C12orf76: variants seen among roughly 807,000 people sequenced by gnomAD.
C12orf76 encodes uncharacterized protein C12orf76.
C12orf76 carries 6 observed loss-of-function variants against 6.8 expected under a neutral mutation model. That is an observed-to-expected ratio of 0.88 (90% CI 0.48 to 1.73). The LOEUF is 1.73. C12orf76 is among the 40% of genes most tolerant of loss of function. C12orf76 has a pLI of 0.01. For missense variants in C12orf76, 99 were observed against 98.2 expected (o/e 1.01, Z -0.03); for synonymous variants, 56 against 43.7 (o/e 1.28, Z -1.11).
intron 1 of C12orf76, chr12:110,044,155 T>C (rs1449989425): frequency 1.3e-5 from 2 of 152,176 alleles, no homozygotes; most frequent in Non-Finnish European, 2.9e-5. Context: ...AACAAGCAAA[T>C]GTACACTGAT....
rs757938970 is a variant in C12orf76, at chr12:110,065,924, T to C, written n.316A>G. 1.9e-6 allele frequency: 3 copies of C among 1,614,056 alleles called. No individual in the cohort carries two copies. In the East Asian group the frequency reaches 6.7e-5, roughly 36 times the overall value. On this transcript the variant is annotated non_coding_transcript_exon_variant, in exon 2 of 5. Coordinates refer to the C12orf76 transcript ENST00000309050. ...TGCTTCCAGATCTTTGCATTTACTG[T>C]TCTCTTGGTCCCGTGTATCACGTGG...
At chr12:110,068,813 C>G (rs1461065312), upstream of C12orf76, among the ~76,000 whole-genome samples, 1 of 152,202 alleles carries the variant, frequency 6.6e-6, no homozygotes, top group East Asian at 1.9e-4. Flanking sequence ...GAACATTGCT[C>G]TAGCCTGTCT....
chr12:110,069,992 T>A (rs539017232), upstream of C12orf76, among the ~76,000 whole-genome samples: 749 of 152,280 alleles, frequency 4.9e-3, 9 homozygotes, highest in African/African-American at 0.017. Flanking sequence ...GCTCACACTG[T>A]AATCCCAGCA....
rs529296708 is a variant in C12orf76 at position 110,046,873 on chromosome 12, G to T, written c.133+1490C>A. ...CTACTGGTATCTAAAGGCTGGGGAT[G>T]CCACCAAACTTCTTACAGTGTTTAT... On this transcript the variant is annotated intron_variant, in intron 1 of 1. Transcript: ENST00000615315. Among the ~76,000 whole-genome samples the T allele has an allele frequency of 2.6e-5, 4 of 152,220 alleles. No individual in the cohort carries two copies. In the East Asian group the frequency reaches 5.8e-4, roughly 22 times the overall value.
intron 4 of C12orf76, among the ~76,000 whole-genome samples, chr12:110,055,619 G>C (rs141197364): frequency 3.3e-5 from 5 of 152,172 alleles, no homozygotes; most frequent in Admixed American, 2.0e-4. Flanking sequence ...AGAGTAATTC[G>C]TGCAGAGCCA....
rs1394945921 is a variant in C12orf76 at position 110,054,542 on chromosome 12, A to T, written n.664+2647T>A. Among the ~76,000 whole-genome samples, 1 of 152,090 alleles carries T rather than the reference A, an allele frequency of 6.6e-6. No homozygotes were observed. The highest frequency in any genetic ancestry group is 1.5e-5 in the Non-Finnish European group (1 of 68,024). ...GAGAGTAGATTGGTAGTTGCAGGGG[A>T]CAGAGGGAGGGAGAAATGGCGAGTG... On this transcript the variant is annotated intron_variant and non_coding_transcript_variant, in intron 4 of 4. Transcript: ENST00000309050. This position sits in a 1 kb window ranked among gnomAD's most constrained non-coding sequence, Gnocchi z 4.4.
At chr12:110,050,897 G>A (rs1356960311), upstream of C12orf76, 10 of 635,686 alleles carry the variant, frequency 1.6e-5, no homozygotes, top group South Asian at 1.1e-4. Flanking sequence ...TTCCTGTAAC[G>A]TATTTCTGGC....
intron 1 of C12orf76, among the ~76,000 whole-genome samples, chr12:110,045,350 G>A (rs1341958849): frequency 4.0e-5 from 6 of 150,734 alleles, no homozygotes; most frequent in Admixed American, 1.3e-4. Flanking sequence ...CCCAGTGAGA[G>A]GCCAAGGCGG....
At chr12:110,055,300 A>G (rs562641428) in intron 4 of C12orf76, among the ~76,000 whole-genome samples, 1 of 146,504 alleles carries the variant, frequency 6.8e-6, no homozygotes, top group East Asian at 2.0e-4. Flanking sequence ...TGCAGCCTCC[A>G]TCTCCTGGGT....
At chr12:110,070,507 A>G (rs1892949452), upstream of C12orf76, among the ~76,000 whole-genome samples, 1 of 152,166 alleles carries the variant, frequency 6.6e-6, no homozygotes, top group Admixed American at 6.5e-5. Flanking sequence ...TTGAGGCTGC[A>G]GTGAGCTGTG....
At chr12:110,068,128 C>T (rs149666077), upstream of C12orf76, among the ~76,000 whole-genome samples, 7,055 of 151,568 alleles carry the variant, frequency 0.047, 199 homozygotes, top group Middle Eastern at 0.088. Context: ...CGTTTGAACC[C>T]GGGAGGCAGA....
At chr12:110,061,383 G>A (rs976806764) in intron 2 of C12orf76, among the ~76,000 whole-genome samples, 22 of 151,928 alleles carry the variant, frequency 1.4e-4, no homozygotes, top group African/African-American at 4.3e-4. Flanking sequence ...AATATTGCTC[G>A]AAGTCATCTA....
chr12:110,068,454 C>T (rs1423083290), upstream of C12orf76, among the ~76,000 whole-genome samples: 1 of 152,176 alleles, frequency 6.6e-6, no homozygotes, highest in Admixed American at 6.5e-5. Context: ...TGCCCAGTTA[C>T]ATGATTCAAT....
At chr12:110,068,284 A>AAGAAGAAGAAGG (rs1892909733), upstream of C12orf76, among the ~76,000 whole-genome samples, 1 of 142,908 alleles carries the variant, frequency 7.0e-6, no homozygotes. Context: ...GAAGAAGAAG[A>AAGAAGAAGAAGG]AGAAGAAGAA....
chr12:110,072,103 T>G (rs1440423298), upstream of C12orf76, among the ~76,000 whole-genome samples: 2 of 152,162 alleles, frequency 1.3e-5, no homozygotes, highest in Non-Finnish European at 2.9e-5. Context: ...GTTCCATCCA[T>G]GCAATGGAAT....
rs7137233 is a variant in C12orf76, at chr12:110,048,467, T to G, written c.29A>C (p.Tyr10Ser). The change falls in exon 1 of 2, where the codon TAC becomes TCC. Residue 10 changes from tyrosine to serine, a missense_variant. Coordinates refer to ENST00000615315, the MANE Select transcript of C12orf76 (RefSeq NM_001389625.1). ...CACCAGGAGGCTGCAGAGGCCAAGG[T>G]ACAGCCACGGTAACGCTGGACGCAG... is the stretch of plus-strand genomic sequence containing the variant. MLRPALPWLYLGLCSLLVGE... is the reference protein window; with the variant it reads MLRPALPWLSLGLCSLLVGE... The G allele has an allele frequency of 2.6e-5, 39 of 1,480,542 alleles. No individual in the cohort carries two copies. The highest frequency in any genetic ancestry group is 3.5e-5 in the Non-Finnish European group (39 of 1,118,638). The allele number at this position is 1,480,542 out of a possible 1,614,324, so 91.7% of individuals were successfully genotyped here. A position where few individuals can be genotyped will look rare whatever the true frequency, so the allele number is the denominator to read the frequency against.
At chr12:110,068,329 A>AAGAAGAAGGAGG (rs1157443112), upstream of C12orf76, among the ~76,000 whole-genome samples, 1 of 127,112 alleles carries the variant, frequency 7.9e-6, no homozygotes, top group African/African-American at 2.8e-5. Flanking sequence ...GAAGAAGAAG[A>AAGAAGAAGGAGG]AGGCGGCCAA....
intron 4 of C12orf76, among the ~76,000 whole-genome samples, chr12:110,055,775 T>C (rs1892656886): frequency 1.3e-5 from 2 of 151,350 alleles, no homozygotes; most frequent in African/African-American, 4.9e-5. Flanking sequence ...TCATAGGGAG[T>C]CGAAGCTGTC....
At chr12:110,055,486 C>T (rs529100720) in intron 4 of C12orf76, among the ~76,000 whole-genome samples, 24 of 152,214 alleles carry the variant, frequency 1.6e-4, no homozygotes, top group African/African-American at 5.5e-4. Context: ...GGATTACAGG[C>T]GTGAGTCACC....
Sources: allele counts gnomAD v4.1 joint callset (sites outside exome capture counted in the v4.1 genomes callset), GRCh38; gene constraint gnomAD v4.1.1; non-coding constraint Gnocchi (gnomAD v3.1); transcripts MANE v1.5; gene names NCBI Gene and HGNC (gene_info 2026-07-23, HGNC 2026-07-21).